ERLIN1: variants seen among roughly 807,000 people sequenced by gnomAD.
ERLIN1 encodes ER lipid raft associated 1, also known as erlin-1.
ERLIN1 carries 24 observed loss-of-function variants against 46.9 expected under a neutral mutation model. The ratio of observed to expected loss-of-function variants is 0.51; its 90% confidence interval spans 0.37 to 0.72. The LOEUF (loss-of-function observed/expected upper bound fraction) is 0.72, where lower values mean the gene tolerates loss of function less well. Ranked by LOEUF, ERLIN1 falls within the 30% of genes least tolerant of loss-of-function variation. ERLIN1 has a pLI of 0.00. For synonymous variants in ERLIN1, 158 were observed against 143.2 expected (o/e 1.10, Z -0.74); for missense variants, 293 against 417.9 (o/e 0.70, Z 2.61).
At chr10:100,164,869 A>T (rs889007666) in intron 7 of ERLIN1, among the ~76,000 whole-genome samples, 12 of 144,600 alleles carry the variant, frequency 8.3e-5, no homozygotes, top group Non-Finnish European at 1.7e-4. Context: ...AAAATACCTT[A>T]AAAAAAAAAA....
chr10:100,168,667 G>A (rs1002373182), intron 6 of ERLIN1, among the ~76,000 whole-genome samples: 1 of 151,378 alleles, frequency 6.6e-6, no homozygotes, highest in African/African-American at 2.4e-5. Context: ...ATTAAAAGAA[G>A]CGTAAAGTAG....
At chr10:100,178,472 T>G (rs1279630787) in intron 3 of ERLIN1, among the ~76,000 whole-genome samples, 1 of 152,214 alleles carries the variant, frequency 6.6e-6, no homozygotes, top group Admixed American at 6.5e-5. Context: ...CTAGAAATAA[T>G]TTGGGCCCTG....
At chr10:100,168,974 A>G (rs1242789865) in intron 6 of ERLIN1, among the ~76,000 whole-genome samples, 1 of 152,128 alleles carries the variant, frequency 6.6e-6, no homozygotes, top group Non-Finnish European at 1.5e-5. Flanking sequence ...GTGAGCCACC[A>G]CACTCGGCCA....
At chr10:100,168,779 A>C (rs1169003577) in intron 6 of ERLIN1, among the ~76,000 whole-genome samples, 1 of 151,276 alleles carries the variant, frequency 6.6e-6, no homozygotes, top group Non-Finnish European at 1.5e-5. Flanking sequence ...TCCCAGGTTC[A>C]AGCGATTCTT....
chr10:100,164,033 GCTT>G lies in ERLIN1; in HGVS notation c.623_625del (p.Glu208del), dbSNP rs1843500856. 2 of 1,612,980 alleles carry G rather than the reference GCTT, an allele frequency of 1.2e-6. No homozygotes were observed. The highest frequency in any genetic ancestry group is 1.7e-6 in the Non-Finnish European group (2 of 1,179,298). ...AACTGCCTTTTTCCTCTCTGTCTCAGCTTCTTTTTCCACAACCTTTTGTTTCTG... is the reference window on the plus strand; with the variant it reads ...AACTGCCTTTTTCCTCTCTGTCTCAGCTTTTTCCACAACCTTTTGTTTCTG... On this transcript the variant is annotated inframe_deletion, in exon 8 of 11. Transcript: ENST00000421367.
chr10:100,184,055 A>G (rs1322642623), intron 1 of ERLIN1, among the ~76,000 whole-genome samples: 2 of 152,234 alleles, frequency 1.3e-5, no homozygotes, highest in African/African-American at 4.8e-5. Context: ...TTGTTTCATA[A>G]GCTCAACCAA....
In ERLIN1 at chr10:100,175,858, C is replaced by T. The variant is rs1027484715; in HGVS notation, c.430+87G>A. 21 of 1,142,068 alleles carry T rather than the reference C, an allele frequency of 1.8e-5. No individual in the cohort carries two copies. In the South Asian group the frequency reaches 3.4e-4, roughly 19 times the overall value. The allele number at this position is 1,142,068 out of a possible 1,614,324, so 70.7% of individuals were successfully genotyped here. A position where few individuals can be genotyped will look rare whatever the true frequency, so the allele number is the denominator to read the frequency against. ...ATTCAGAAGAAATGCTTAAATAGCA[C>T]TAAGGTTTACCAATATAACCTCAAT... On this transcript the variant is annotated intron_variant, in intron 5 of 10. Transcript: ENST00000421367.
intron 6 of ERLIN1, among the ~76,000 whole-genome samples, chr10:100,169,003 T>A (rs1223082249): frequency 6.6e-6 from 1 of 152,148 alleles, no homozygotes; most frequent in Non-Finnish European, 1.5e-5. Context: ...TTTTGAAGAC[T>A]CCTATTTTGC....
intron 10 of ERLIN1, among the ~76,000 whole-genome samples, chr10:100,152,858 T>C (rs770396857): frequency 1.3e-5 from 2 of 152,116 alleles, no homozygotes; most frequent in African/African-American, 4.8e-5. Context: ...ACCCAGCCTT[T>C]TTTTTTTCTG....
chr10:100,168,824 C>T (rs981815336), intron 6 of ERLIN1, among the ~76,000 whole-genome samples: 1 of 152,050 alleles, frequency 6.6e-6, no homozygotes, highest in African/African-American at 2.4e-5. Context: ...GGATTACAGG[C>T]ATGCGCCACC....
At chr10:100,166,413 G>A (rs796336596) in intron 7 of ERLIN1, among the ~76,000 whole-genome samples, 2 of 150,902 alleles carry the variant, frequency 1.3e-5, no homozygotes, top group African/African-American at 4.9e-5. Context: ...GGGCAACAGA[G>A]CAAGACCTTG....
intron 9 of ERLIN1, among the ~76,000 whole-genome samples, chr10:100,155,513 T>C (rs550385358): frequency 7.4e-6 from 1 of 134,718 alleles, no homozygotes; most frequent in Admixed American, 7.3e-5. Context: ...TATTTATTTT[T>C]AATTTTTTTT....
chr10:100,174,179 C>A, intron 6 of ERLIN1, 29 bp downstream of exon 6: 1 of 1,449,750 alleles, frequency 6.9e-7, no homozygotes, highest in African/African-American at 1.4e-5. Flanking sequence ...TCAAAATCCC[C>A]AGAGAACTTC....
intron 10 of ERLIN1, among the ~76,000 whole-genome samples, chr10:100,154,465 A>G (rs568791194): frequency 1.3e-5 from 2 of 152,370 alleles, no homozygotes; most frequent in East Asian, 3.9e-4. Flanking sequence ...GGTCTTCAAC[A>G]ATGAAAAAGT....
intron 2 of ERLIN1, among the ~76,000 whole-genome samples, chr10:100,181,442 T>C (rs1844636887): frequency 6.6e-6 from 1 of 152,164 alleles, no homozygotes; most frequent in Admixed American, 6.5e-5. Context: ...TTTGTTTATC[T>C]GGACTATGTC....
intron 10 of ERLIN1, among the ~76,000 whole-genome samples, chr10:100,154,252 C>A (rs1842957557): frequency 6.6e-6 from 1 of 152,190 alleles, no homozygotes; most frequent in African/African-American, 2.4e-5. Context: ...ACCTATATAT[C>A]ACCCAACCTG....
intron 2 of ERLIN1, among the ~76,000 whole-genome samples, chr10:100,181,600 G>C (rs940487328): frequency 1.4e-5 from 2 of 145,198 alleles, no homozygotes; most frequent in Non-Finnish European, 3.0e-5. Flanking sequence ...CTGCAACCTC[G>C]GTCTCCCAGG....
chr10:100,164,121 T>C (rs1407547448), intron 7 of ERLIN1, 26 bp from the exon 8 acceptor site: 2 of 1,493,914 alleles, frequency 1.3e-6, no homozygotes, highest in African/African-American at 1.4e-5. Flanking sequence ...TTATAAAAAT[T>C]AGAAATGATT....
chr10:100,176,128 A>G, intron 4 of ERLIN1, 58 bp from the exon 5 acceptor site: 1 of 1,512,626 alleles, frequency 6.6e-7, no homozygotes, highest in South Asian at 1.3e-5. Context: ...GGTACCTTCA[A>G]ATTCAGCCAG....
Sources: gnomAD v4.1 joint callset for allele counts (sites outside exome capture counted in the v4.1 genomes callset) on GRCh38, gnomAD v4.1.1 for gene constraint, MANE v1.5 for transcripts, NCBI Gene and HGNC (gene_info 2026-07-23, HGNC 2026-07-21) for gene names.